The following DSCAM variants were observed in gnomAD, a reference collection of about 807,000 sequenced individuals.
DSCAM encodes the protein cell adhesion molecule DSCAM.
In DSCAM, 47 loss-of-function variants were observed where a neutral mutation model predicts 217.7. The observed-to-expected ratio is 0.22, with a 90% confidence interval of 0.17 to 0.28. DSCAM has a LOEUF of 0.28. Ranked by LOEUF, DSCAM falls within the 10% of genes least tolerant of loss-of-function variation. The pLI, the probability that DSCAM is intolerant of heterozygous loss-of-function variation, is 1.00. For synonymous variants in DSCAM, 1,056 were observed against 1,015.3 expected, an observed-to-expected ratio of 1.04 and a Z score of -0.76; for missense variants, 2,080 against 2,618.3, an observed-to-expected ratio of 0.79 and a Z score of 4.49.
chr21:40,769,968 G>A (rs2091430350), intron 1 of DSCAM, among the ~76,000 whole-genome samples: 1 of 152,074 alleles, frequency 6.6e-6, no homozygotes, highest in Non-Finnish European at 1.5e-5. Flanking sequence ...TTTTGTATTT[G>A]GAATTGTGCC....
At chr21:40,119,541 A>G (rs1190497981) in intron 20 of DSCAM, among the ~76,000 whole-genome samples, 11 of 152,174 alleles carry the variant, frequency 7.2e-5, no homozygotes, top group Admixed American at 1.3e-4. Context: ...TGATAGTTAC[A>G]TTATAAGAAC....
chr21:40,722,968 A>G (rs1181222360), intron 1 of DSCAM, among the ~76,000 whole-genome samples: 1 of 141,282 alleles, frequency 7.1e-6, no homozygotes, highest in Non-Finnish European at 1.6e-5. Flanking sequence ...AAGGTGACAT[A>G]ACAATCCTAA....
chr21:40,487,699 C>A (rs2076041746), intron 3 of DSCAM, among the ~76,000 whole-genome samples: 2 of 152,096 alleles, frequency 1.3e-5, no homozygotes, highest in Admixed American at 1.3e-4. Flanking sequence ...AGAGACGGAA[C>A]CAGGGGAGAG....
At chr21:40,629,699 G>A (rs2146316127) in intron 3 of DSCAM, 1 of 152,298 alleles carries the variant, frequency 6.6e-6, no homozygotes, top group Admixed American at 6.5e-5. Flanking sequence ...GTTGTTCGAA[G>A]GTGCTGAAGG....
chr21:40,202,699 A>G (rs541223145), intron 11 of DSCAM, among the ~76,000 whole-genome samples: 2 of 152,294 alleles, frequency 1.3e-5, no homozygotes, highest in African/African-American at 4.8e-5. Flanking sequence ...AATCTCCACC[A>G]TATTTCTGAT....
At chr21:40,288,307 G>A (rs2073852220) in intron 10 of DSCAM, among the ~76,000 whole-genome samples, 1 of 152,164 alleles carries the variant, frequency 6.6e-6, no homozygotes, top group Non-Finnish European at 1.5e-5. Flanking sequence ...ACTATCCATG[G>A]TATTGGCTGG....
In DSCAM at chr21:40,692,712, T is replaced by C. The variant is rs890733594; in HGVS notation, c.508+98A>G. On this transcript the variant is annotated intron_variant, in intron 3 of 32. Coordinates refer to ENST00000400454, the MANE Select transcript of DSCAM (RefSeq NM_001389.5). The stretch of plus-strand genomic sequence containing the variant: ...CAGCCTTAAGAATACTAATTCTGAA[T>C]TATGATGAACACATAAACGGAGACC... The C allele has an allele frequency of 3.6e-5, 50 of 1,397,672 alleles. No individual in the cohort carries two copies. The South Asian group carries it at 4.0e-4, about 11-fold the overall frequency. 86.6% of individuals were successfully genotyped at this position (1,397,672 alleles called of 1,614,324 possible).
intron 10 of DSCAM, among the ~76,000 whole-genome samples, chr21:40,294,551 A>T (rs2073932155): frequency 6.6e-6 from 1 of 152,170 alleles, no homozygotes; most frequent in African/African-American, 2.4e-5. Context: ...ACTTACACAT[A>T]TGCGCATTGA....
intron 3 of DSCAM, among the ~76,000 whole-genome samples, chr21:40,425,139 G>A (rs1382099344): frequency 6.6e-6 from 1 of 152,100 alleles, no homozygotes; most frequent in Non-Finnish European, 1.5e-5. Flanking sequence ...ATCTCTTACA[G>A]TTATTGAGGC....
At chr21:40,636,270 T>C (rs947171655) in intron 3 of DSCAM, among the ~76,000 whole-genome samples, 7 of 151,858 alleles carry the variant, frequency 4.6e-5, no homozygotes, top group Non-Finnish European at 1.0e-4. Context: ...CTCAAAGGAA[T>C]CTGGCATACT....
chr21:40,574,483 G>A (rs907790408), intron 3 of DSCAM, among the ~76,000 whole-genome samples: 15 of 152,112 alleles, frequency 9.9e-5, no homozygotes, highest in African/African-American at 3.4e-4. Flanking sequence ...ATCTGATAAA[G>A]GGCATTTACA....
intron 3 of DSCAM, among the ~76,000 whole-genome samples, chr21:40,630,447 C>T (rs1281327984): frequency 2.0e-5 from 3 of 152,020 alleles, no homozygotes; most frequent in African/African-American, 7.2e-5. Context: ...TACAGGTGCA[C>T]GTGACCATGC....
At chr21:40,158,841 A>C (rs1002892568) in intron 16 of DSCAM, among the ~76,000 whole-genome samples, 1 of 152,252 alleles carries the variant, frequency 6.6e-6, no homozygotes, top group Admixed American at 6.5e-5. Context: ...TTTTCAAAAG[A>C]ACAGGAAGAG....
intron 11 of DSCAM, among the ~76,000 whole-genome samples, chr21:40,227,931 T>C (rs1170899384): frequency 1.3e-5 from 2 of 152,230 alleles, no homozygotes; most frequent in South Asian, 2.1e-4. Flanking sequence ...AGGATCCCAT[T>C]CTACATTCTG....
intron 6 of DSCAM, among the ~76,000 whole-genome samples, chr21:40,340,951 A>T (rs2074484473): frequency 6.6e-6 from 1 of 152,050 alleles, no homozygotes. Flanking sequence ...CTTCATGGTG[A>T]TGGGGCTGTG....
intron 3 of DSCAM, among the ~76,000 whole-genome samples, chr21:40,481,975 C>T (rs1174062158): frequency 1.3e-5 from 2 of 152,218 alleles, no homozygotes; most frequent in African/African-American, 2.4e-5. Context: ...AGAGGCGATT[C>T]GCCGTTCCCA....
chr21:40,482,572 T>A (rs957531999), intron 3 of DSCAM, among the ~76,000 whole-genome samples: 15 of 152,228 alleles, frequency 9.9e-5, no homozygotes, highest in African/African-American at 3.6e-4. Flanking sequence ...TTATTGGTTT[T>A]GAAAATCAAA....
chr21:40,309,446 T>C (rs556998568), intron 9 of DSCAM, among the ~76,000 whole-genome samples: 1 of 152,306 alleles, frequency 6.6e-6, no homozygotes, highest in African/African-American at 2.4e-5. Context: ...CCACTGGATT[T>C]TCTCCTCCTT....
In DSCAM at chr21:40,016,029, G is replaced by A. The variant is rs746642337; in HGVS notation, c.5687-2643C>T. On this transcript the variant is annotated intron_variant, in intron 32 of 32. Coordinates refer to ENST00000400454, the MANE Select transcript of DSCAM (RefSeq NM_001389.5). This position sits in a 1 kb window ranked among gnomAD's most constrained non-coding sequence, Gnocchi z 4.3. Reference sequence around the variant, plus strand: ...GTTTCTGGCCACCTTGAGGTCTGAAGGACTCACCATCTTGGCACACCTGTA... The same window carrying A: ...GTTTCTGGCCACCTTGAGGTCTGAAAGACTCACCATCTTGGCACACCTGTA... Among the ~76,000 whole-genome samples the A allele has an allele frequency of 1.5e-4, 23 of 152,232 alleles. 1 individual carries two copies. Among genetic ancestry groups the A allele is most frequent in the Non-Finnish European group, 2.9e-4 (20 of 68,042 alleles).
Sources: gnomAD v4.1 joint callset for allele counts (sites outside exome capture counted in the v4.1 genomes callset) on GRCh38, gnomAD v4.1.1 for gene constraint, Gnocchi (gnomAD v3.1) non-coding constraint, MANE v1.5 for transcripts, NCBI Gene and HGNC (gene_info 2026-07-23, HGNC 2026-07-21) for gene names.